The following AFG1L variants were observed in gnomAD, a reference collection of about 807,000 sequenced individuals.
AFG1L encodes the protein AFG1 like ATPase.
AFG1L carries 53 observed loss-of-function variants against 62.2 expected under a neutral mutation model. The observed-to-expected ratio is 0.85, with a 90% CI of 0.68 to 1.07. The LOEUF (loss-of-function observed/expected upper bound fraction) is 1.07, where lower values mean the gene tolerates loss of function less well. Among genes scored for constraint, AFG1L ranks in the 50% least tolerant of loss-of-function variants. The probability of loss-of-function intolerance (pLI) is 0.00; values close to 1 mark genes in which losing one functional copy is unlikely to be tolerated. For missense variants in AFG1L, 555 were observed against 590.5 expected, an observed-to-expected ratio of 0.94 and a Z score of 0.62; for synonymous variants, 228 against 210.3, an observed-to-expected ratio of 1.08 and a Z score of -0.73.
Position 108,356,799 on chromosome 6 carries a change from C to T in AFG1L, c.627C>T (p.Leu209=). The part of the protein sequence containing the change: ...IAEEISEEAC[L]LCFDEFQVTD... ...AAGAAATCAGCGAAGAAGCATGTCT[C>T]CTATGTTTTGATGAATTTCAGGTAA... The change falls in exon 5 of 13, where the codon CTC becomes CTT. Residue 209 remains leucine (L), a synonymous_variant. Coordinates refer to ENST00000368977, the MANE Select transcript of AFG1L (RefSeq NM_145315.5). 6.2e-7 allele frequency: 1 copy of T among 1,612,472 alleles called. No homozygotes were observed. Among genetic ancestry groups the T allele is most frequent in the Non-Finnish European group, 8.5e-7 (1 of 1,179,346 alleles).
At chr6:108,413,856 G>C (rs1412157188) in intron 7 of AFG1L, among the ~76,000 whole-genome samples, 3 of 152,022 alleles carry the variant, frequency 2.0e-5, no homozygotes, top group African/African-American at 7.2e-5. Context: ...ACAATTAAAA[G>C]AACTAGAGAA....
chr6:108,352,006 C>T (rs1476142990), intron 3 of AFG1L, among the ~76,000 whole-genome samples: 1 of 152,142 alleles, frequency 6.6e-6, no homozygotes, highest in African/African-American at 2.4e-5. Context: ...GTGTATAATT[C>T]AGTAGTATTG....
chr6:108,467,029 T>A (rs1354202528), intron 8 of AFG1L, among the ~76,000 whole-genome samples: 1 of 151,962 alleles, frequency 6.6e-6, no homozygotes, highest in East Asian at 1.9e-4. Flanking sequence ...GAAATGAGCT[T>A]ATATGAAGCA....
intron 5 of AFG1L, among the ~76,000 whole-genome samples, chr6:108,362,092 C>T (rs1388639236): frequency 6.6e-6 from 1 of 152,138 alleles, no homozygotes. Context: ...TTAAGTCCCA[C>T]TCCCCTTACA....
At chr6:108,368,614 A>G (rs1445723160) in intron 6 of AFG1L, among the ~76,000 whole-genome samples, 1 of 152,218 alleles carries the variant, frequency 6.6e-6, no homozygotes, top group Non-Finnish European at 1.5e-5. Context: ...TCTAGGTGGA[A>G]GTGAAACTTG....
intron 11 of AFG1L, among the ~76,000 whole-genome samples, chr6:108,518,459 A>G (rs1251082645): frequency 7.4e-6 from 1 of 135,244 alleles, no homozygotes; most frequent in Non-Finnish European, 1.5e-5. Flanking sequence ...ATGAGAACAC[A>G]TGGACACATG....
At chr6:108,485,672 T>A (rs1422755737) in intron 10 of AFG1L, among the ~76,000 whole-genome samples, 2 of 83,938 alleles carry the variant, frequency 2.4e-5, no homozygotes, top group African/African-American at 4.6e-5. Flanking sequence ...TTTTTTTTTT[T>A]TTTTTTTTTT....
intron 1 of AFG1L, among the ~76,000 whole-genome samples, chr6:108,316,149 A>C (rs1777583167): frequency 6.6e-6 from 1 of 151,820 alleles, no homozygotes; most frequent in Admixed American, 6.6e-5. Flanking sequence ...TGCGAGGCCG[A>C]GGCGGGCGGA....
chr6:108,373,310 A>G (rs1279024446), intron 6 of AFG1L, among the ~76,000 whole-genome samples: 1 of 152,070 alleles, frequency 6.6e-6, no homozygotes, highest in Non-Finnish European at 1.5e-5. Flanking sequence ...TTGTTCCTGC[A>G]TTAATTCATT....
chr6:108,335,580 C>T (rs894609564), intron 2 of AFG1L, among the ~76,000 whole-genome samples: 6 of 152,296 alleles, frequency 3.9e-5, no homozygotes, highest in South Asian at 2.1e-4. Flanking sequence ...ACAACAACAG[C>T]GTTCAGAACA....
intron 11 of AFG1L, among the ~76,000 whole-genome samples, chr6:108,519,171 C>T (rs894610527): frequency 6.6e-6 from 1 of 152,150 alleles, no homozygotes; most frequent in Non-Finnish European, 1.5e-5. Flanking sequence ...ATGTTGTTCT[C>T]GCATGGTGGA....
chr6:108,401,342 C>G (rs1447595478), intron 6 of AFG1L, among the ~76,000 whole-genome samples: 1 of 151,580 alleles, frequency 6.6e-6, no homozygotes, highest in East Asian at 1.9e-4. Flanking sequence ...CGGGGTTTCA[C>G]CTTGTTAGCC....
At chr6:108,385,419 T>C (rs1421460707) in intron 6 of AFG1L, among the ~76,000 whole-genome samples, 3 of 152,244 alleles carry the variant, frequency 2.0e-5, no homozygotes, top group Non-Finnish European at 4.4e-5. Flanking sequence ...CTTAAGGACA[T>C]GTTCTTGCTG....
chr6:108,468,785 T>C (rs1772774754), intron 8 of AFG1L, among the ~76,000 whole-genome samples: 1 of 151,508 alleles, frequency 6.6e-6, no homozygotes, highest in South Asian at 2.1e-4. Context: ...GTCTTTTTGT[T>C]CTATTTTCTG....
chr6:108,373,713 A>G (rs1479772036), intron 6 of AFG1L, among the ~76,000 whole-genome samples: 1 of 150,214 alleles, frequency 6.7e-6, no homozygotes, highest in African/African-American at 2.5e-5. Context: ...AGTAGCTGGG[A>G]CTACAGGCAT....
Position 108,366,317 on chromosome 6 carries a change from A to G in AFG1L, c.733A>G (p.Asn245Asp). The G allele has an allele frequency of 1.9e-6, 3 of 1,611,320 alleles. No individual in the cohort carries two copies. The highest frequency in any genetic ancestry group is 8.5e-7 in the Non-Finnish European group (1 of 1,177,978). Reference sequence around the variant, plus strand: ...CGGGGTCGTCGTTGTGGCAACATCCAACAGGCCACCGGAAGGTAAAAACAA... The same window carrying G: ...CGGGGTCGTCGTTGTGGCAACATCCGACAGGCCACCGGAAGGTAAAAACAA... The part of the protein sequence containing the change: ...KNGVVVVATS[N>D]RPPEDLYKNG... Residue 245 changes from asparagine to aspartate, a missense_variant, in exon 6 of 13, where the codon AAC (asparagine) becomes GAC (aspartate). Asn to Asp is a conservative substitution (Grantham distance 23). Coordinates refer to ENST00000368977, the MANE Select transcript of AFG1L (RefSeq NM_145315.5).
chr6:108,317,328 T>C (rs1777643885), intron 1 of AFG1L, among the ~76,000 whole-genome samples: 1 of 152,102 alleles, frequency 6.6e-6, no homozygotes, highest in African/African-American at 2.4e-5. Context: ...TTATGGACAA[T>C]TTCACGGGCA....
chr6:108,512,168 A>G (rs1774678366), intron 11 of AFG1L, among the ~76,000 whole-genome samples: 1 of 152,184 alleles, frequency 6.6e-6, no homozygotes, highest in Non-Finnish European at 1.5e-5. Context: ...CATGTTTCTC[A>G]GGTGCTTCTT....
intron 7 of AFG1L, among the ~76,000 whole-genome samples, chr6:108,412,337 C>G (rs1342661302): frequency 6.6e-6 from 1 of 152,196 alleles, no homozygotes; most frequent in Non-Finnish European, 1.5e-5. Flanking sequence ...TTGGAAAATA[C>G]TCTTCAGGGT....
Sources: allele counts gnomAD v4.1 joint callset (sites outside exome capture counted in the v4.1 genomes callset), GRCh38; gene constraint gnomAD v4.1.1; transcripts MANE v1.5; gene names NCBI Gene and HGNC (gene_info 2026-07-23, HGNC 2026-07-21).